IQSEC1: variants seen among roughly 807,000 people sequenced by gnomAD.
The protein encoded by IQSEC1 is IQ motif and Sec7 domain ArfGEF 1.
IQSEC1 carries 31 observed loss-of-function variants against 91.0 expected under a neutral mutation model. That is an observed-to-expected ratio of 0.34 (90% confidence interval 0.26 to 0.46). The LOEUF is 0.46. Among genes scored for constraint, IQSEC1 ranks in the 20% least tolerant of loss-of-function variants. The pLI is 1.00. For synonymous variants in IQSEC1, 699 were observed against 662.6 expected, an observed-to-expected ratio of 1.05 and a Z score of -0.84; for missense variants, 1,388 against 1,575.6, an observed-to-expected ratio of 0.88 and a Z score of 2.02.
chr3:13,102,002 C>A (rs1024413376), intron 2 of IQSEC1, among the ~76,000 whole-genome samples: 1 of 152,052 alleles, frequency 6.6e-6, no homozygotes, highest in South Asian at 2.1e-4. Context: ...GATTAATAAA[C>A]TCTGCCCGCT....
chr3:13,024,589 CA>C (rs1482246544), intron 1 of IQSEC1, among the ~76,000 whole-genome samples: 2 of 151,778 alleles, frequency 1.3e-5, no homozygotes, highest in Non-Finnish European at 2.9e-5. Flanking sequence ...TCCACCCATC[CA>C]CCCACCCATC....
intron 9 of IQSEC1, 138 bp downstream of exon 9, chr3:12,913,290 A>T: frequency 2.4e-6 from 2 of 828,214 alleles, no homozygotes; most frequent in African/African-American, 1.7e-5. Context: ...CATGTGCATC[A>T]GTGTGAAAGA....
chr3:13,248,972 C>T (rs1695150505), intron 1 of IQSEC1, among the ~76,000 whole-genome samples: 1 of 137,412 alleles, frequency 7.3e-6, no homozygotes, highest in African/African-American at 3.2e-5. Flanking sequence ...TGGACCCAGA[C>T]ACTCTCGCCC....
intron 1 of IQSEC1, among the ~76,000 whole-genome samples, chr3:12,942,603 T>TA (rs113626375): frequency 0.069 from 9,958 of 143,546 alleles, 446 homozygotes; most frequent in African/African-American, 0.14. Context: ...ACTCCGTCTC[T>TA]AAAAAAAAAA....
intron 1 of IQSEC1, among the ~76,000 whole-genome samples, chr3:13,279,636 C>A (rs537376857): frequency 6.6e-6 from 1 of 152,232 alleles, no homozygotes; most frequent in Non-Finnish European, 1.5e-5. Flanking sequence ...AGTCACTGCA[C>A]CTTCTGTCTG....
chr3:12,923,964 T>A (rs904381072), intron 4 of IQSEC1, among the ~76,000 whole-genome samples: 1 of 152,154 alleles, frequency 6.6e-6, no homozygotes, highest in African/African-American at 2.4e-5. Flanking sequence ...GCTCACCAGC[T>A]CTCTGAACTG....
At chr3:12,928,905 T>C (rs1465186648) in intron 3 of IQSEC1, among the ~76,000 whole-genome samples, 1 of 152,192 alleles carries the variant, frequency 6.6e-6, no homozygotes, top group Non-Finnish European at 1.5e-5. Context: ...CGGTCCCCTA[T>C]GGACACCCAC....
intron 1 of IQSEC1, among the ~76,000 whole-genome samples, chr3:13,057,459 C>G (rs1422871832): frequency 6.6e-6 from 1 of 152,238 alleles, no homozygotes; most frequent in Non-Finnish European, 1.5e-5. Context: ...CACGGCCAGA[C>G]AAGCACACAC....
rs145769651 is a variant in IQSEC1, at chr3:12,908,471, C to G, written c.2633G>C (p.Ser878Thr). ...VVRPSMSQCSSLKKESGNGTL... is the reference protein window; with the variant it reads ...VVRPSMSQCSTLKKESGNGTL... ...TCCGTTGCCCGACTCCTTTTTGAGG[C>G]TAGAGCACTGGGACATGCTGGGCCG... The change falls in exon 12 of 14, where the codon AGC (serine) becomes ACC (threonine). Residue 878 changes from serine (S) to threonine (T), a missense_variant. Ser to Thr is a moderately conservative substitution (Grantham distance 58). Coordinates refer to ENST00000613206, the MANE Select transcript of IQSEC1 (RefSeq NM_001134382.3). The surrounding 1 kb of genome is among the most constrained non-coding windows in gnomAD (Gnocchi z 4.9). The G allele has an allele frequency of 6.2e-7, 1 of 1,613,596 alleles. No individual in the cohort carries two copies. Among genetic ancestry groups the G allele is most frequent in the South Asian group, 1.1e-5 (1 of 91,080 alleles).
Position 12,940,727 on chromosome 3 carries a change from C to A in IQSEC1, c.318+844G>T, listed in dbSNP as rs1231693638. On this transcript the variant is annotated intron_variant, in intron 2 of 13. Transcript: ENST00000613206. The surrounding 1 kb of genome is among the most constrained non-coding windows in gnomAD (Gnocchi z 4.4). The stretch of plus-strand genomic sequence containing the variant: ...CTTGAAGCCTCAAACTGCTAAGCGG[C>A]TTGTCCATGCACTGGCCCACTCACC... Among the ~76,000 whole-genome samples the A allele has an allele frequency of 6.6e-6, 1 of 152,218 alleles. No homozygotes were observed. The highest frequency in any genetic ancestry group is 1.5e-5 in the Non-Finnish European group (1 of 68,028).
chr3:12,900,706 C>T lies in IQSEC1; in HGVS notation c.*277G>A. 6.5e-6 allele frequency: 9 copies of T among 1,379,610 alleles called. No homozygotes were observed. The South Asian group carries it at 1.1e-4, about 17-fold the overall frequency. The allele number at this position is 1,379,610 out of a possible 1,614,324, so 85.5% of individuals were successfully genotyped here. A position where few individuals can be genotyped will look rare whatever the true frequency, so the allele number is the denominator to read the frequency against. On this transcript the variant is annotated 3_prime_UTR_variant, in exon 14 of 14. Coordinates refer to ENST00000613206, the MANE Select transcript of IQSEC1 (RefSeq NM_001134382.3). ...GGGGAGGCAGTTCAACACTACTTGG[C>T]TGGCTCACCGTTTCAAGGCTGATGG...
chr3:13,221,289 T>A (rs1175913619), intron 1 of IQSEC1, among the ~76,000 whole-genome samples: 1 of 152,170 alleles, frequency 6.6e-6, no homozygotes, highest in Non-Finnish European at 1.5e-5. Context: ...TGGGGGCAGC[T>A]GCCTGACCCA....
At chr3:13,066,600 C>A (rs560515063) in intron 1 of IQSEC1, among the ~76,000 whole-genome samples, 1 of 152,188 alleles carries the variant, frequency 6.6e-6, no homozygotes, top group East Asian at 1.9e-4. Context: ...GGAGTTGGAA[C>A]GTTGTGGGAT....
intron 1 of IQSEC1, among the ~76,000 whole-genome samples, chr3:13,236,534 G>C (rs1694932027): frequency 1.3e-5 from 2 of 152,206 alleles, no homozygotes; most frequent in Non-Finnish European, 2.9e-5. Context: ...AGTGACGAGA[G>C]GCTCACTACC....
At chr3:13,060,894 C>T (rs758465227) in intron 1 of IQSEC1, among the ~76,000 whole-genome samples, 1 of 151,662 alleles carries the variant, frequency 6.6e-6, no homozygotes, top group African/African-American at 2.4e-5. Context: ...TAAATCCCAC[C>T]TCAGCCCAGG....
At chr3:13,031,820 C>G (rs1235458789) in intron 1 of IQSEC1, among the ~76,000 whole-genome samples, 4 of 152,026 alleles carry the variant, frequency 2.6e-5, no homozygotes, top group Non-Finnish European at 5.9e-5. Context: ...ACAGGGAGGG[C>G]CTCTTTAAGG....
At chr3:12,929,405 G>A (rs1459246327) in intron 3 of IQSEC1, among the ~76,000 whole-genome samples, 1 of 152,240 alleles carries the variant, frequency 6.6e-6, no homozygotes, top group East Asian at 1.9e-4. Flanking sequence ...CCACCCTGAC[G>A]AGATGGCATT....
intron 1 of IQSEC1, among the ~76,000 whole-genome samples, chr3:12,948,200 G>C (rs1699308779): frequency 6.6e-6 from 1 of 152,260 alleles, no homozygotes; most frequent in African/African-American, 2.4e-5. Context: ...AGGTCCTTAA[G>C]AAAGTGCTTG....
Position 12,901,385 on chromosome 3 carries a change from AG to A in IQSEC1, c.2942del (p.Pro981LeufsTer139). On this transcript the variant is annotated frameshift_variant, in exon 14 of 14. Coordinates refer to ENST00000613206, the MANE Select transcript of IQSEC1 (RefSeq NM_001134382.3). LOFTEE classifies it low-confidence loss of function (END_TRUNC). Reference sequence around the variant, plus strand: ...GGGCTGAGGGCAGGTGGGCCTGGGGAGGGGGCTTCCCTCTCTTGCTCCCGAA... The same window carrying A: ...GGGCTGAGGGCAGGTGGGCCTGGGGAGGGGCTTCCCTCTCTTGCTCCCGAA... ...SLFGSKRGKP[P>X]PQAHLPSAPA... 6.5e-7 allele frequency: 1 copy of A among 1,541,000 alleles called. No individual in the cohort carries two copies. The highest frequency in any genetic ancestry group is 8.7e-7 in the Non-Finnish European group (1 of 1,144,748).
Sources: allele counts gnomAD v4.1 joint callset (sites outside exome capture counted in the v4.1 genomes callset), GRCh38; gene constraint gnomAD v4.1.1; non-coding constraint Gnocchi (gnomAD v3.1); transcripts MANE v1.5; gene names NCBI Gene and HGNC (gene_info 2026-07-23, HGNC 2026-07-21).